CIT: variants seen among roughly 807,000 people sequenced by gnomAD.
CIT encodes citron rho-interacting serine/threonine kinase, also known as citron Rho-interacting kinase.
A neutral mutation model predicts 272.7 loss-of-function variants in CIT; 79 were observed. The ratio of observed to expected loss-of-function variants is 0.29; its 90% CI spans 0.24 to 0.35. The LOEUF is 0.35. Among genes scored for constraint, CIT ranks in the 10% least tolerant of loss-of-function variants. CIT has a pLI of 1.00. For missense variants in CIT, 1,909 were observed against 2,618.3 expected (o/e 0.73, Z 5.91); for synonymous variants, 948 against 995.6 (o/e 0.95, Z 0.90).
At chr12:119,842,388 CAA>C (rs58634070) in intron 5 of CIT, among the ~76,000 whole-genome samples, 111 of 71,508 alleles carry the variant, frequency 1.6e-3, no homozygotes, top group East Asian at 5.8e-3. Flanking sequence ...GACTGCATCT[CAA>C]AAAAAAAAAA....
rs1300731256 is a variant in CIT, at chr12:119,688,148, T to C, written c.*84A>G. 4.0e-6 allele frequency: 6 copies of C among 1,482,304 alleles called. No homozygotes were observed. In the African/African-American group the frequency reaches 8.3e-5, roughly 21 times the overall value. The allele number at this position is 1,482,304 out of a possible 1,614,324, so 91.8% of individuals were successfully genotyped here. ...AGAGGGTGGCTGAGCACGTGGGCGC[T>C]TGGGTCCCCATCAGCAGAGTTCCAT... is the stretch of plus-strand genomic sequence containing the variant. On this transcript the variant is annotated 3_prime_UTR_variant, in exon 48 of 48. Transcript: ENST00000392521.
intron 5 of CIT, among the ~76,000 whole-genome samples, chr12:119,843,357 C>G (rs780841411): frequency 2.6e-5 from 4 of 152,064 alleles, no homozygotes; most frequent in Non-Finnish European, 5.9e-5. Context: ...AAGGGCCAGA[C>G]AGATGGCAGG....
chr12:119,708,371 T>G, intron 39 of CIT, 53 bp from the exon 40 acceptor site: 1 of 1,433,342 alleles, frequency 7.0e-7, no homozygotes, highest in South Asian at 1.7e-5. Context: ...TAAGTAAAGG[T>G]ACGGGATGGT....
At chr12:119,715,299 G>C (rs1435947168) in intron 32 of CIT, among the ~76,000 whole-genome samples, 1 of 150,500 alleles carries the variant, frequency 6.6e-6, no homozygotes, top group African/African-American at 2.5e-5. Context: ...AATGAAAATG[G>C]ATTAATGGAT....
At chr12:119,748,071 G>A (rs1431474850) in intron 23 of CIT, among the ~76,000 whole-genome samples, 1 of 152,030 alleles carries the variant, frequency 6.6e-6, no homozygotes, top group South Asian at 2.1e-4. Context: ...GGCTGAGGTG[G>A]GAGTATCACT....
chr12:119,868,389 C>T lies in CIT; in HGVS notation c.238+671G>A, dbSNP rs186705917. ...TTCATTAAAATTAAATATCACAGATCCTAAGCACCGTGCCTACTCTGCCTA... is the reference window on the plus strand; with the variant it reads ...TTCATTAAAATTAAATATCACAGATTCTAAGCACCGTGCCTACTCTGCCTA... On this transcript the variant is annotated intron_variant, in intron 3 of 47. Transcript: ENST00000392521. 2.2e-3 allele frequency among the ~76,000 whole-genome samples: 328 copies of T among 152,158 alleles called. 1 individual carries two copies. Among genetic ancestry groups the T allele is most frequent in the Non-Finnish European group, 3.7e-3 (251 of 68,010 alleles).
In CIT at chr12:119,834,117, G is replaced by C; in HGVS notation, c.628C>G (p.His210Asp). The C allele has an allele frequency of 6.2e-7, 1 of 1,613,896 alleles. No homozygotes were observed. The highest frequency in any genetic ancestry group is 8.5e-7 in the Non-Finnish European group (1 of 1,179,930). Residue 210 changes from histidine (H) to aspartate (D), a missense_variant, in exon 6 of 48, where the codon CAC becomes GAC. Around this residue, in one of 8 missense-constraint regions of CIT, gnomAD observed 529 missense variants for 549.6 expected, o/e 0.96. Coordinates refer to ENST00000392521, the MANE Select transcript of CIT (RefSeq NM_001206999.2). ...FYLAELILAV[H>D]SVHLMGYVHR... is the part of the protein sequence containing the mutation. ...ACGTATCCCATCAGATGAACGCTGTGAACAGCCAAAATCAGCTCAGCTAGG... is the reference window on the plus strand; with the variant it reads ...ACGTATCCCATCAGATGAACGCTGTCAACAGCCAAAATCAGCTCAGCTAGG...
rs773559680 is a variant in CIT, at chr12:119,834,071, CAG to C, written c.659+13_659+14del. The C allele has an allele frequency of 1.0e-5, 16 of 1,593,986 alleles. No homozygotes were observed. In the African/African-American group the frequency reaches 2.0e-4, roughly 20 times the overall value. Reference sequence around the variant, plus strand: ...AAAATCCTCAGCATAAAAATGCTACCAGAGTCTCACTTACCGATGCACGTATC... The same window carrying C: ...AAAATCCTCAGCATAAAAATGCTACCAGTCTCACTTACCGATGCACGTATC... On this transcript the variant is annotated intron_variant, in intron 6 of 47. Transcript: ENST00000392521.
At chr12:119,745,397 A>AAAAAAAAAAAAAAAAAAAAAAAAAAT (rs1593568252) in intron 23 of CIT, among the ~76,000 whole-genome samples, 1 of 145,946 alleles carries the variant, frequency 6.9e-6, no homozygotes, top group South Asian at 2.1e-4. Flanking sequence ...AAAAAAAAAA[A>AAAAAAAAAAAAAAAAAAAAAAAAAAT]ACACCTGTCC....
chr12:119,737,408 A>G (rs2137277293), intron 24 of CIT, among the ~76,000 whole-genome samples: 1 of 151,938 alleles, frequency 6.6e-6, no homozygotes, highest in South Asian at 2.1e-4. Context: ...ATCATTGCCA[A>G]AATAATTTAC....
chr12:119,852,037 A>T (rs1457991661), intron 4 of CIT, among the ~76,000 whole-genome samples: 1 of 152,180 alleles, frequency 6.6e-6, no homozygotes, highest in East Asian at 1.9e-4. Context: ...TGTCTCTAAG[A>T]AAAATAAAAT....
intron 9 of CIT, among the ~76,000 whole-genome samples, chr12:119,813,487 A>AGTG (rs1369550239): frequency 6.6e-6 from 1 of 152,182 alleles, no homozygotes; most frequent in African/African-American, 2.4e-5. Flanking sequence ...TGCAATCACC[A>AGTG]CACTCATAGA....
In CIT at chr12:119,728,602, T is replaced by C. The variant is rs145731510; in HGVS notation, c.3491A>G (p.Asn1164Ser). 1.7e-3 allele frequency: 2,675 copies of C among 1,606,160 alleles called. 6 individuals are homozygous for C. The highest frequency in any genetic ancestry group is 2.0e-3 in the Non-Finnish European group (2,352 of 1,174,240). Reference protein sequence around the residue: ...LKAESLSDKLNDLEKKHAMLE... With the variant: ...LKAESLSDKLSDLEKKHAMLE... Reference sequence around the variant, plus strand: ...CATAGCATGCTTCTTCTCCAGGTCATTGAGCTAGACATTTGGAAAGATTGG... The same window carrying C: ...CATAGCATGCTTCTTCTCCAGGTCACTGAGCTAGACATTTGGAAAGATTGG... Residue 1164 changes from asparagine to serine, a missense_variant, in exon 28 of 48, where the codon AAT (asparagine) becomes AGT (serine). Coordinates refer to ENST00000392521, the MANE Select transcript of CIT (RefSeq NM_001206999.2). The surrounding 1 kb of genome is among the most constrained non-coding windows in gnomAD (Gnocchi z 4.3).
At chr12:119,781,503 T>C (rs185780370) in intron 13 of CIT, among the ~76,000 whole-genome samples, 1 of 152,296 alleles carries the variant, frequency 6.6e-6, no homozygotes, top group East Asian at 1.9e-4. Context: ...CTGAAGTGAA[T>C]GAGAGTTGCC....
chr12:119,823,368 C>T (rs1410310076), intron 8 of CIT, among the ~76,000 whole-genome samples: 1 of 152,178 alleles, frequency 6.6e-6, no homozygotes, highest in Non-Finnish European at 1.5e-5. Context: ...GTTCCCTCTG[C>T]ACTCTACTTT....
At chr12:119,809,813 CT>C (rs1966793200) in intron 9 of CIT, among the ~76,000 whole-genome samples, 1 of 152,210 alleles carries the variant, frequency 6.6e-6, no homozygotes, top group African/African-American at 2.4e-5. Context: ...AGATCATAGC[CT>C]TTTCGTGCAA....
chr12:119,764,471 C>G (rs1044458542), intron 19 of CIT, among the ~76,000 whole-genome samples: 1 of 151,564 alleles, frequency 6.6e-6, no homozygotes, highest in Non-Finnish European at 1.5e-5. Flanking sequence ...TAAAAATTAC[C>G]CAGGCGTGGT....
At chr12:119,855,811 G>A (rs955348898) in intron 4 of CIT, among the ~76,000 whole-genome samples, 3 of 152,066 alleles carry the variant, frequency 2.0e-5, no homozygotes, top group African/African-American at 7.2e-5. Flanking sequence ...CCTGCCGTGT[G>A]GCCTGTTGGA....
chr12:119,714,864 CA>C (rs1452590644), intron 32 of CIT, among the ~76,000 whole-genome samples: 1 of 152,172 alleles, frequency 6.6e-6, no homozygotes, highest in Non-Finnish European at 1.5e-5. Flanking sequence ...TATGTACCCA[CA>C]AAAATCTGTA....
Sources: gnomAD v4.1 joint callset for allele counts (sites outside exome capture counted in the v4.1 genomes callset) on GRCh38, gnomAD v4.1.1 for gene constraint, gnomAD v4.1.1 regional missense constraint, Gnocchi (gnomAD v3.1) non-coding constraint, MANE v1.5 for transcripts, NCBI Gene and HGNC (gene_info 2026-07-23, HGNC 2026-07-21) for gene names.